Variants in ARK2C observed in about 807,000 individuals in gnomAD.
ARK2C encodes the protein E3 ubiquitin-protein ligase ARK2C.
the ARK2C span, among the ~76,000 whole-genome samples, chr18:46,397,856 C>T: frequency 2.4e-5 from 2 of 83,554 alleles, no homozygotes; most frequent in Non-Finnish European, 4.6e-5. Context: ...GGTGTGTGTG[C>T]ATGTGGTGCG....
chr18:46,393,775 C>T, the ARK2C span, among the ~76,000 whole-genome samples: 1 of 152,248 alleles, frequency 6.6e-6, no homozygotes, highest in Non-Finnish European at 1.5e-5. Flanking sequence ...ATGGTGGACT[C>T]ACCTTTTGGA....
the ARK2C span, among the ~76,000 whole-genome samples, chr18:46,412,515 G>A: frequency 6.6e-6 from 1 of 152,252 alleles, no homozygotes; most frequent in South Asian, 2.1e-4. Context: ...CTCATACTGA[G>A]TGCAGCCCAG....
At chr18:46,454,069 T>C in the ARK2C span, among the ~76,000 whole-genome samples, 6 of 118,384 alleles carry the variant, frequency 5.1e-5, no homozygotes, top group Non-Finnish European at 9.5e-5. Flanking sequence ...GCCGTGATTA[T>C]ACCACTGCAC....
the ARK2C span, among the ~76,000 whole-genome samples, chr18:46,418,185 A>G: frequency 6.6e-6 from 1 of 152,058 alleles, no homozygotes; most frequent in Non-Finnish European, 1.5e-5. Context: ...CCCTATCTCT[A>G]CAAAAAATAA....
the ARK2C span, among the ~76,000 whole-genome samples, chr18:46,417,538 A>G: frequency 2.0e-5 from 3 of 152,218 alleles, no homozygotes; most frequent in Non-Finnish European, 4.4e-5. Flanking sequence ...TCAGCTCTTT[A>G]CACAATAGTT....
chr18:46,344,119 G>C, the ARK2C span, among the ~76,000 whole-genome samples: 8 of 152,212 alleles, frequency 5.3e-5, no homozygotes, highest in Non-Finnish European at 1.2e-4. Flanking sequence ...TGACGACACT[G>C]TATCCCTTAG....
chr18:46,413,672 G>T, the ARK2C span, among the ~76,000 whole-genome samples: 17 of 152,018 alleles, frequency 1.1e-4, no homozygotes, highest in Admixed American at 2.6e-4. Flanking sequence ...GATGAGAAAG[G>T]GCAGGAGAGC....
At chr18:46,422,434 T>C in the ARK2C span, among the ~76,000 whole-genome samples, 3 of 152,294 alleles carry the variant, frequency 2.0e-5, no homozygotes, top group South Asian at 2.1e-4. Flanking sequence ...GCTGTATCCA[T>C]GCAGAGGGGA....
chr18:46,374,771 G>C, the ARK2C span, among the ~76,000 whole-genome samples: 58 of 152,278 alleles, frequency 3.8e-4, no homozygotes, highest in Non-Finnish European at 6.3e-4. Flanking sequence ...GCTGAACTGG[G>C]GGGGCTAGAG....
At chr18:46,406,059 T>G in the ARK2C span, among the ~76,000 whole-genome samples, 1 of 151,968 alleles carries the variant, frequency 6.6e-6, no homozygotes, top group Non-Finnish European at 1.5e-5. Flanking sequence ...TACACACTCC[T>G]CCCACATACA....
chr18:46,339,400 C>A, the ARK2C span, among the ~76,000 whole-genome samples: 2 of 152,170 alleles, frequency 1.3e-5, no homozygotes, highest in African/African-American at 4.8e-5. Flanking sequence ...ATATAGCAAG[C>A]TGTGGGTTAA....
chr18:46,454,595 T>A, the ARK2C span, among the ~76,000 whole-genome samples: 2 of 152,132 alleles, frequency 1.3e-5, no homozygotes, highest in African/African-American at 4.8e-5. Flanking sequence ...TTCCCCAGAC[T>A]AAACCAGACT....
chr18:46,341,256 C>T, the ARK2C span, among the ~76,000 whole-genome samples: 1 of 127,544 alleles, frequency 7.8e-6, no homozygotes, highest in Non-Finnish European at 1.6e-5. Context: ...GGGGAGAGGG[C>T]TGTTTAAACA....
chr18:46,375,181 C>T, the ARK2C span, among the ~76,000 whole-genome samples: 1 of 152,214 alleles, frequency 6.6e-6, no homozygotes, highest in Non-Finnish European at 1.5e-5. Flanking sequence ...TTCCAGGCCG[C>T]CCTGGCCGCA....
the ARK2C span, among the ~76,000 whole-genome samples, chr18:46,340,976 G>A: frequency 7.2e-5 from 11 of 152,216 alleles, no homozygotes; most frequent in African/African-American, 2.7e-4. Context: ...GCCAAGGCCA[G>A]TGGCTCTGCT....
the ARK2C span, among the ~76,000 whole-genome samples, chr18:46,388,216 T>G: frequency 6.6e-6 from 1 of 152,170 alleles, no homozygotes; most frequent in South Asian, 2.1e-4. Flanking sequence ...GCTAAGTAAG[T>G]TGGAGAAATC....
the ARK2C span, among the ~76,000 whole-genome samples, chr18:46,364,430 G>A: frequency 2.0e-5 from 3 of 150,976 alleles, no homozygotes; most frequent in Non-Finnish European, 2.9e-5. Context: ...CTCTAAAGTC[G>A]TAGAACACGC....
At chr18:46,428,286 G>A in the ARK2C span, among the ~76,000 whole-genome samples, 15 of 152,204 alleles carry the variant, frequency 9.9e-5, no homozygotes, top group Non-Finnish European at 1.9e-4. Context: ...GCAGGCGCCT[G>A]TAGTCCCAGC....
At chr18:46,447,478 C>T in the ARK2C span, 2 of 1,486,914 alleles carry the variant, frequency 1.3e-6, no homozygotes, top group Non-Finnish European at 1.9e-6. Context: ...TCCAATTCTA[C>T]TCCATAGGCT....
Sources: allele counts gnomAD v4.1 joint callset (sites outside exome capture counted in the v4.1 genomes callset), GRCh38; gene constraint gnomAD v4.1.1; transcripts MANE v1.5; gene names NCBI Gene and HGNC (gene_info 2026-07-23, HGNC 2026-07-21).